Variants in TMEM108 observed in about 807,000 individuals in gnomAD.
TMEM108 encodes the protein cancer/testis antigen 124.
TMEM108 carries 12 observed loss-of-function variants against 35.1 expected under a neutral mutation model. The ratio of observed to expected loss-of-function variants is 0.34; its 90% CI spans 0.22 to 0.55. The LOEUF is 0.55. TMEM108 is among the 20% of genes least tolerant of loss of function. The probability of loss-of-function intolerance (pLI) is 0.89; values close to 1 mark genes in which losing one functional copy is unlikely to be tolerated. For synonymous variants in TMEM108, 287 were observed against 308.6 expected (o/e 0.93, Z 0.73); for missense variants, 680 against 753.3 (o/e 0.90, Z 1.14).
intron 2 of TMEM108, among the ~76,000 whole-genome samples, chr3:133,066,260 T>C (rs1407281398): frequency 1.3e-5 from 2 of 152,166 alleles, no homozygotes; most frequent in South Asian, 4.1e-4. Flanking sequence ...TCTTTAGTGT[T>C]GTGTGTGCCT....
intron 2 of TMEM108, among the ~76,000 whole-genome samples, chr3:133,098,015 A>T (rs989937058): frequency 3.3e-5 from 5 of 152,212 alleles, no homozygotes; most frequent in African/African-American, 1.2e-4. Flanking sequence ...CTCAGCCTGG[A>T]TGGATACTCA....
intron 3 of TMEM108, among the ~76,000 whole-genome samples, chr3:133,237,482 G>T (rs75313588): frequency 0.014 from 2,158 of 152,078 alleles, 63 homozygotes; most frequent in African/African-American, 0.05. Flanking sequence ...TCACATTACT[G>T]CCAAATTAGC....
chr3:133,380,035 T>A lies in TMEM108; in HGVS notation c.324T>A (p.His108Gln), dbSNP rs2072957792. The A allele has an allele frequency of 8.1e-6, 13 of 1,613,482 alleles. No homozygotes were observed. The highest frequency in any genetic ancestry group is 8.5e-6 in the Non-Finnish European group (10 of 1,179,862). Residue 108 changes from histidine to glutamine, a missense_variant, in exon 4 of 6, where the codon CAT (histidine) becomes CAA (glutamine). By Grantham distance (24) the His-to-Gln change is conservative. This residue lies in a region of TMEM108 where 526 missense variants were observed against 532.1 expected (regional missense o/e 0.99). Coordinates refer to ENST00000321871, the MANE Select transcript of TMEM108 (RefSeq NM_023943.4). This position sits in a 1 kb window ranked among gnomAD's most constrained non-coding sequence, Gnocchi z 5.3. ...STIAATVTAP[H>Q]SESSLSTGPA... ...TCGCTGCGACAGTAACCGCCCCCCA[T>A]TCTGAAAGCTCCCTGTCCACAGGGC... is the stretch of plus-strand genomic sequence containing the variant.
intron 3 of TMEM108, among the ~76,000 whole-genome samples, chr3:133,234,350 A>C (rs539569689): frequency 1.3e-5 from 2 of 152,276 alleles, no homozygotes; most frequent in East Asian, 3.9e-4. Context: ...AAAAATCCTC[A>C]ATAAAATACT....
chr3:133,119,967 G>A (rs965921316), intron 2 of TMEM108, among the ~76,000 whole-genome samples: 2 of 152,126 alleles, frequency 1.3e-5, no homozygotes, highest in African/African-American at 2.4e-5. Flanking sequence ...CATCACTAAG[G>A]CTTGGACTTA....
At chr3:133,276,932 G>C (rs1406998024) in intron 3 of TMEM108, among the ~76,000 whole-genome samples, 1 of 152,268 alleles carries the variant, frequency 6.6e-6, no homozygotes, top group East Asian at 1.9e-4. Flanking sequence ...ACAGACTATG[G>C]AGAGGATGAC....
At chr3:133,212,699 C>T (rs893707022) in intron 2 of TMEM108, among the ~76,000 whole-genome samples, 1 of 151,754 alleles carries the variant, frequency 6.6e-6, no homozygotes, top group Non-Finnish European at 1.5e-5. Flanking sequence ...AAACCTGTTT[C>T]TGCTAAAAAT....
intron 2 of TMEM108, among the ~76,000 whole-genome samples, chr3:133,214,898 G>T (rs1945884098): frequency 6.6e-6 from 1 of 152,080 alleles, no homozygotes; most frequent in Non-Finnish European, 1.5e-5. Flanking sequence ...AATGCCAGAT[G>T]ATCTGAGGTG....
At chr3:133,209,135 G>C (rs534025242) in intron 2 of TMEM108, among the ~76,000 whole-genome samples, 7 of 152,122 alleles carry the variant, frequency 4.6e-5, no homozygotes, top group African/African-American at 1.4e-4. Flanking sequence ...CTTCAAACTA[G>C]CTCAAGGGAT....
intron 3 of TMEM108, among the ~76,000 whole-genome samples, chr3:133,334,388 A>G (rs2071450741): frequency 6.6e-6 from 1 of 152,208 alleles, no homozygotes; most frequent in Admixed American, 6.5e-5. Flanking sequence ...GGCCATTGAG[A>G]GAAGCAGATT....
chr3:133,048,794 A>G (rs758051500), intron 2 of TMEM108, among the ~76,000 whole-genome samples: 1 of 152,244 alleles, frequency 6.6e-6, no homozygotes, highest in Non-Finnish European at 1.5e-5. Flanking sequence ...GAAGGATTCC[A>G]TGTACCTTGA....
At chr3:133,086,802 A>T (rs780218027) in intron 2 of TMEM108, among the ~76,000 whole-genome samples, 26 of 152,322 alleles carry the variant, frequency 1.7e-4, no homozygotes, top group Non-Finnish European at 3.4e-4. Flanking sequence ...CTCTTTGTCC[A>T]CTATGGTGTA....
rs570305105 is a variant in TMEM108, at chr3:133,307,627, G to T, written c.41-72125G>T. ...TTCTCAGCACCATTTATTAAATAGG[G>T]AATCCTTTCCCCATTTCTTGTTTTT... On this transcript the variant is annotated intron_variant, in intron 3 of 5. Transcript: ENST00000321871. Among the ~76,000 whole-genome samples, 101 of 152,232 alleles carry T rather than the reference G, an allele frequency of 6.6e-4. 3 individuals are homozygous for T. The highest frequency in any genetic ancestry group is 2.4e-3 in the African/African-American group (99 of 41,516).
intron 2 of TMEM108, among the ~76,000 whole-genome samples, chr3:133,175,964 G>A (rs1484285957): frequency 4.6e-5 from 7 of 152,120 alleles, no homozygotes; most frequent in East Asian, 3.9e-4. Context: ...TCAAAATAAA[G>A]GGATGGAGGA....
intron 4 of TMEM108, chr3:133,389,354 T>C (rs1170095459): frequency 1.0e-6 from 1 of 985,508 alleles, no homozygotes; most frequent in East Asian, 1.1e-4. Context: ...AGGTGGGCTT[T>C]TGCATCAATC....
intron 2 of TMEM108, among the ~76,000 whole-genome samples, chr3:133,129,587 T>C (rs1247330959): frequency 6.6e-6 from 1 of 152,158 alleles, no homozygotes; most frequent in Non-Finnish European, 1.5e-5. Context: ...GGAAGGCTTC[T>C]TTTAGCTGGG....
At chr3:133,337,676 G>A (rs758255581) in intron 3 of TMEM108, among the ~76,000 whole-genome samples, 18 of 152,044 alleles carry the variant, frequency 1.2e-4, no homozygotes, top group Non-Finnish European at 2.6e-4. Flanking sequence ...AGATCATATA[G>A]GAAAACATGA....
intron 2 of TMEM108, among the ~76,000 whole-genome samples, chr3:133,062,315 G>A (rs183315513): frequency 2.0e-5 from 3 of 152,234 alleles, no homozygotes; most frequent in Non-Finnish European, 2.9e-5. Context: ...TTCTATTAAC[G>A]TCTCATCTTT....
rs111751969 is a variant in TMEM108 at position 133,185,953 on chromosome 3, A to G, written c.-46-43313A>G. Among the ~76,000 whole-genome samples, 867 of 151,766 alleles carry G rather than the reference A, an allele frequency of 5.7e-3. 14 individuals are homozygous for G. The highest frequency in any genetic ancestry group is 0.02 in the African/African-American group (832 of 41,424). ...TGGCTGATTTTTGTATTTTTAGTAG[A>G]GACAAGGTTTCACCATGTTGGCCAG... On this transcript the variant is annotated intron_variant, in intron 2 of 5. Coordinates refer to ENST00000321871, the MANE Select transcript of TMEM108 (RefSeq NM_023943.4).
Sources: allele counts gnomAD v4.1 joint callset (sites outside exome capture counted in the v4.1 genomes callset), GRCh38; gene constraint gnomAD v4.1.1; regional missense constraint gnomAD v4.1.1; non-coding constraint Gnocchi (gnomAD v3.1); transcripts MANE v1.5; gene names NCBI Gene and HGNC (gene_info 2026-07-23, HGNC 2026-07-21).